CACNA2D4: variants seen among roughly 807,000 people sequenced by gnomAD.
CACNA2D4 encodes voltage-dependent calcium channel subunit alpha-2/delta-4.
In CACNA2D4, 157 loss-of-function variants were observed where a neutral mutation model predicts 163.8. The observed-to-expected ratio is 0.96, with a 90% confidence interval of 0.84 to 1.09. CACNA2D4 has a LOEUF of 1.09. Among genes scored for constraint, CACNA2D4 ranks in the 50% least tolerant of loss-of-function variants. The pLI is 0.00. For synonymous variants in CACNA2D4, 598 were observed against 586.9 expected, an observed-to-expected ratio of 1.02 and a Z score of -0.27; for missense variants, 1,410 against 1,479.9, an observed-to-expected ratio of 0.95 and a Z score of 0.78.
At chr12:1,836,148 A>T (rs1490504249) in intron 26 of CACNA2D4, 1 of 152,306 alleles carries the variant, frequency 6.6e-6, no homozygotes, top group Non-Finnish European at 1.5e-5. Flanking sequence ...GCCAAACCAG[A>T]GAGTGGGTGG....
In CACNA2D4 at chr12:1,834,186, G is replaced by A. The variant is rs959218811; in HGVS notation, c.2551+6553C>T. On this transcript the variant is annotated intron_variant, in intron 26 of 37. Transcript: ENST00000382722. The surrounding 1 kb of genome is among the most constrained non-coding windows in gnomAD (Gnocchi z 7.6). ...ATAAAAACTACCTTCTGGGGCTTCC[G>A]TTTTGGGGAGCTGGGGATGGGGAGA... 18 of 1,477,394 alleles carry A rather than the reference G, an allele frequency of 1.2e-5. No homozygotes were observed. Among genetic ancestry groups the A allele is most frequent in the Admixed American group, 2.4e-5 (1 of 42,328 alleles). The allele number at this position is 1,477,394 out of a possible 1,614,324, so 91.5% of individuals were successfully genotyped here.
At position 1,831,276 on chromosome 12, in the gene CACNA2D4, C is replaced by T. The variant is rs140500468; in HGVS notation, c.2551+9463G>A. On this transcript the variant is annotated intron_variant, in intron 26 of 37. Coordinates refer to ENST00000382722, the MANE Select transcript of CACNA2D4 (RefSeq NM_172364.5). Reference sequence around the variant, plus strand: ...CAGGACCCTGGACAGGGACCTGCTGCGGCACTCGCCGCTGCTCCGCCACCT... The same window carrying T: ...CAGGACCCTGGACAGGGACCTGCTGTGGCACTCGCCGCTGCTCCGCCACCT... 200 of 1,613,588 alleles carry T rather than the reference C, an allele frequency of 1.2e-4. No individual in the cohort carries two copies. Among genetic ancestry groups the T allele is most frequent in the Non-Finnish European group, 1.6e-4 (191 of 1,180,038 alleles).
Position 1,844,578 on chromosome 12 carries a change from C to G in CACNA2D4, c.2343-49G>C. ...CTCTCCCCAGATCTGTGAACACAGT[C>G]ATCACTCTTTCCTTTTCTCACACAA... is the stretch of plus-strand genomic sequence containing the variant. On this transcript the variant is annotated intron_variant, in intron 24 of 37. Transcript: ENST00000382722. This position sits in a 1 kb window ranked among gnomAD's most constrained non-coding sequence, Gnocchi z 4.2. 6.3e-7 allele frequency: 1 copy of G among 1,582,490 alleles called. No homozygotes were observed. The highest frequency in any genetic ancestry group is 8.6e-7 in the Non-Finnish European group (1 of 1,159,046).
intron 6 of CACNA2D4, among the ~76,000 whole-genome samples, chr12:1,889,569 C>T (rs1327554161): frequency 7.0e-6 from 1 of 142,050 alleles, no homozygotes; most frequent in Non-Finnish European, 1.5e-5. Flanking sequence ...AGGGAACCTC[C>T]TGCCTCAGCC....
chr12:1,826,929 T>C (rs1308343327), intron 26 of CACNA2D4, among the ~76,000 whole-genome samples: 1 of 152,228 alleles, frequency 6.6e-6, no homozygotes, highest in Admixed American at 6.5e-5. Context: ...CCTGTCTTTT[T>C]CACTCTGATA....
At chr12:1,837,413 G>A (rs1028293486) in intron 26 of CACNA2D4, among the ~76,000 whole-genome samples, 3 of 152,092 alleles carry the variant, frequency 2.0e-5, no homozygotes, top group Non-Finnish European at 4.4e-5. Flanking sequence ...CCGGAATTAC[G>A]GACTGGAGGG....
intron 6 of CACNA2D4, among the ~76,000 whole-genome samples, chr12:1,893,216 C>A (rs561545400): frequency 6.6e-6 from 1 of 152,164 alleles, no homozygotes; most frequent in Non-Finnish European, 1.5e-5. Context: ...GAAACATTCT[C>A]CAGGACAGAT....
At chr12:1,803,967 G>T (rs1475592376) in intron 29 of CACNA2D4, among the ~76,000 whole-genome samples, 1 of 152,172 alleles carries the variant, frequency 6.6e-6, no homozygotes, top group Non-Finnish European at 1.5e-5. Context: ...CAGCAGGGAG[G>T]GTCAAGGGCA....
At chr12:1,906,800 T>A (rs965217236) in intron 6 of CACNA2D4, among the ~76,000 whole-genome samples, 2 of 152,232 alleles carry the variant, frequency 1.3e-5, no homozygotes, top group Non-Finnish European at 2.9e-5. Context: ...AGATTGACTT[T>A]CCAGCCTGTG....
chr12:1,854,982 C>G (rs1442155399), intron 22 of CACNA2D4, among the ~76,000 whole-genome samples: 4 of 152,104 alleles, frequency 2.6e-5, no homozygotes, highest in Non-Finnish European at 5.9e-5. Flanking sequence ...TTTATCACCC[C>G]CCAAAGGAGA....
chr12:1,908,726 T>A (rs61907995), intron 4 of CACNA2D4, among the ~76,000 whole-genome samples: 4,085 of 36,040 alleles, frequency 0.11, no homozygotes, highest in Non-Finnish European at 0.13. Flanking sequence ...CACGCCGGAC[T>A]GCGTCACGGA....
At chr12:1,818,194 G>T (rs1863949668) in intron 26 of CACNA2D4, among the ~76,000 whole-genome samples, 1 of 150,132 alleles carries the variant, frequency 6.7e-6, no homozygotes, top group Non-Finnish European at 1.5e-5. Context: ...TGAGAAGTGA[G>T]GAGCGTCTCC....
Position 1,800,023 on chromosome 12 carries a change from G to A in CACNA2D4, c.2951C>T (p.Ser984Phe), listed in dbSNP as rs747585848. The A allele has an allele frequency of 8.1e-6, 13 of 1,605,206 alleles. No homozygotes were observed. In the Admixed American group the frequency reaches 1.0e-4, roughly 13 times the overall value. Reference protein sequence around the residue: ...LFLLEWSVWGSWYDRGAEAKS... With the variant: ...LFLLEWSVWGFWYDRGAEAKS... The stretch of plus-strand genomic sequence containing the variant: ...ACCCTCGGCCCCTCTGTCGTACCAG[G>A]AGCCCCAGACACTCCACTCCAGCAG... Residue 984 changes from serine to phenylalanine, a missense_variant, in exon 33 of 38, where the codon TCC (serine) becomes TTC (phenylalanine). By Grantham distance (155) the Ser-to-Phe change is radical. Transcript: ENST00000382722.
intron 18 of CACNA2D4, among the ~76,000 whole-genome samples, chr12:1,860,695 C>T (rs951088253): frequency 2.6e-5 from 4 of 152,170 alleles, no homozygotes; most frequent in Non-Finnish European, 4.4e-5. Context: ...TAAACCTCCT[C>T]GCCCTCAAAG....
At chr12:1,899,361 T>G (rs938163940) in intron 6 of CACNA2D4, among the ~76,000 whole-genome samples, 6 of 151,724 alleles carry the variant, frequency 4.0e-5, no homozygotes, top group Non-Finnish European at 7.4e-5. Context: ...TTAAGAGCAG[T>G]CAATGGAGAC....
chr12:1,830,794 T>C, intron 26 of CACNA2D4: 3 of 680,328 alleles, frequency 4.4e-6, no homozygotes, highest in Non-Finnish European at 7.3e-6. Flanking sequence ...ATGTGGTTAA[T>C]AAACGTTTAT....
rs574944720 is a variant in CACNA2D4 at position 1,874,345 on chromosome 12, A to C, written c.1878+259T>G. On this transcript the variant is annotated intron_variant, in intron 18 of 37. Coordinates refer to ENST00000382722, the MANE Select transcript of CACNA2D4 (RefSeq NM_172364.5). This position sits in a 1 kb window ranked among gnomAD's most constrained non-coding sequence, Gnocchi z 4.4. ...CATAAGGAGGAAAGAAGAGCTGTAA[A>C]TGCCTTGGCCAGCTTTCTCCCCAGC... is the stretch of plus-strand genomic sequence containing the variant. Among the ~76,000 whole-genome samples the C allele has an allele frequency of 6.6e-6, 1 of 152,350 alleles. No homozygotes were observed. Among genetic ancestry groups the C allele is most frequent in the South Asian group, 2.1e-4 (1 of 4,824 alleles).
At chr12:1,805,175 C>T (rs1000513782) in intron 29 of CACNA2D4, among the ~76,000 whole-genome samples, 2 of 152,052 alleles carry the variant, frequency 1.3e-5, no homozygotes, top group Admixed American at 6.5e-5. Flanking sequence ...TCAAAAGAGT[C>T]GAGGACCCCC....
intron 23 of CACNA2D4, among the ~76,000 whole-genome samples, chr12:1,850,731 C>T (rs1367608006): frequency 2.0e-5 from 3 of 151,966 alleles, no homozygotes; most frequent in African/African-American, 4.8e-5. Flanking sequence ...GGTGAAACCC[C>T]GTCTCTACTA....
Sources: allele counts gnomAD v4.1 joint callset (sites outside exome capture counted in the v4.1 genomes callset), GRCh38; gene constraint gnomAD v4.1.1; non-coding constraint Gnocchi (gnomAD v3.1); transcripts MANE v1.5; gene names NCBI Gene and HGNC (gene_info 2026-07-23, HGNC 2026-07-21).